MYO16: variants seen among roughly 807,000 people sequenced by gnomAD.
MYO16 encodes the protein myosin XVI.
MYO16 carries 94 observed loss-of-function variants against 205.3 expected under a neutral mutation model. The ratio of observed to expected loss-of-function variants is 0.46; its 90% CI spans 0.39 to 0.54. MYO16 has a LOEUF of 0.54. MYO16 is among the 20% of genes least tolerant of loss of function. The probability of loss-of-function intolerance (pLI) is 0.00; values close to 1 mark genes in which losing one functional copy is unlikely to be tolerated. For missense variants in MYO16, 2,315 were observed against 2,387.5 expected (o/e 0.97, Z 0.63); for synonymous variants, 988 against 954.0 (o/e 1.04, Z -0.66).
chr13:108,755,547 A>C (rs1024729446), intron 4 of MYO16, among the ~76,000 whole-genome samples: 33 of 131,214 alleles, frequency 2.5e-4, no homozygotes, highest in Non-Finnish European at 4.5e-4. Context: ...TTTTCTCTTC[A>C]AATTGCAAAA....
chr13:108,947,789 G>GT (rs1882994865), intron 16 of MYO16, among the ~76,000 whole-genome samples: 1 of 152,204 alleles, frequency 6.6e-6, no homozygotes, highest in African/African-American at 2.4e-5. Context: ...TTCACCAGAT[G>GT]TTTTGAAATA....
At chr13:109,175,783 CAGAT>C (rs766595718) in intron 33 of MYO16, among the ~76,000 whole-genome samples, 1 of 151,060 alleles carries the variant, frequency 6.6e-6, no homozygotes, top group Non-Finnish European at 1.5e-5. Flanking sequence ...AATGAAGGCA[CAGAT>C]AAAGAGCTCC....
At chr13:108,910,700 C>A (rs1417967387) in intron 16 of MYO16, among the ~76,000 whole-genome samples, 1 of 152,160 alleles carries the variant, frequency 6.6e-6, no homozygotes, top group Non-Finnish European at 1.5e-5. Flanking sequence ...TGCACTTCTG[C>A]TAACTGCCTG....
the MYO16 span, among the ~76,000 whole-genome samples, chr13:108,525,081 G>C: frequency 2.0e-5 from 3 of 152,050 alleles, no homozygotes; most frequent in African/African-American, 7.2e-5. Flanking sequence ...GTGAGGACTA[G>C]AGTCCACTCA....
chr13:108,579,587 C>G, the MYO16 span, among the ~76,000 whole-genome samples: 2 of 151,798 alleles, frequency 1.3e-5, no homozygotes, highest in African/African-American at 4.8e-5. Context: ...ATTACAGGCG[C>G]CCTCCATCAC....
intron 34 of MYO16, among the ~76,000 whole-genome samples, chr13:109,194,715 G>A (rs1880073086): frequency 6.6e-6 from 1 of 152,074 alleles, no homozygotes; most frequent in Non-Finnish European, 1.5e-5. Flanking sequence ...ATTCAGTGTG[G>A]CCAGAAAATA....
In MYO16 at chr13:108,629,709, G is replaced by A. The variant is rs976166232; in HGVS notation, c.-136G>A. 5.6e-6 allele frequency: 4 copies of A among 712,924 alleles called. No homozygotes were observed. In the Admixed American group the frequency reaches 9.5e-5, roughly 17 times the overall value. The allele number at this position is 712,924 out of a possible 1,614,324, so 44.2% of individuals were successfully genotyped here. On this transcript the variant is annotated 5_prime_UTR_variant, in exon 1 of 35. Coordinates refer to ENST00000457511, the MANE Select transcript of MYO16 (RefSeq NM_001198950.3). ...GCTTTTTGCAGGATCATGGAACAGA[G>A]CCTCCATGCAATAGTGCATCCTGAG...
chr13:108,796,790 A>G, intron 6 of MYO16, among the ~76,000 whole-genome samples: 1 of 121,148 alleles, frequency 8.3e-6, no homozygotes, highest in African/African-American at 3.0e-5. Context: ...GCGGGGAGGG[A>G]TAGCATTAGG....
rs942450739 is a variant in MYO16 at position 108,639,543 on chromosome 13, C to T, written c.28+9671C>T. ...TGAATCTATGCTCTTCCTTCCTAAA[C>T]CTGAATGTCTCAACCCTGAATGACA... On this transcript the variant is annotated intron_variant, in intron 1 of 34. Transcript: ENST00000457511. Among the ~76,000 whole-genome samples, 3 of 152,158 alleles carry T rather than the reference C, an allele frequency of 2.0e-5. No homozygotes were observed. The East Asian group carries it at 5.8e-4, about 29-fold the overall frequency.
At chr13:108,569,669 C>A in the MYO16 span, among the ~76,000 whole-genome samples, 2 of 152,200 alleles carry the variant, frequency 1.3e-5, no homozygotes, top group East Asian at 1.9e-4. Context: ...TGGCTGGAAA[C>A]GCCCTTCAAA....
intron 2 of MYO16, among the ~76,000 whole-genome samples, chr13:108,672,740 C>T (rs911107720): frequency 7.2e-5 from 11 of 151,950 alleles, no homozygotes; most frequent in African/African-American, 2.2e-4. Context: ...ATTTGAGTTA[C>T]GCCACATGAA....
chr13:108,892,769 A>G (rs998161932), intron 14 of MYO16, among the ~76,000 whole-genome samples: 1 of 152,242 alleles, frequency 6.6e-6, no homozygotes, highest in Non-Finnish European at 1.5e-5. Context: ...ACAATCATCT[A>G]TTAAAATGAT....
At chr13:108,954,777 G>A (rs753250817) in intron 16 of MYO16, among the ~76,000 whole-genome samples, 5 of 152,124 alleles carry the variant, frequency 3.3e-5, no homozygotes, top group Admixed American at 6.5e-5. Flanking sequence ...ATTGCTAAAG[G>A]TTTATAGATT....
chr13:108,861,651 C>T (rs1230120914), intron 11 of MYO16, among the ~76,000 whole-genome samples: 1 of 152,082 alleles, frequency 6.6e-6, no homozygotes, highest in African/African-American at 2.4e-5. Context: ...GCTATTCTGG[C>T]AGTTGTAGAG....
chr13:108,815,508 C>T (rs888012985), intron 7 of MYO16, among the ~76,000 whole-genome samples: 3 of 152,060 alleles, frequency 2.0e-5, no homozygotes, highest in African/African-American at 7.2e-5. Flanking sequence ...GGGGAGGGAC[C>T]ATTAACCAAG....
chr13:109,127,668 A>C lies in MYO16; in HGVS notation c.4051+118A>C. On this transcript the variant is annotated intron_variant, in intron 31 of 34. Coordinates refer to ENST00000457511, the MANE Select transcript of MYO16 (RefSeq NM_001198950.3). This position sits in a 1 kb window ranked among gnomAD's most constrained non-coding sequence, Gnocchi z 4.2. ...TGTATTCTTAATAGAAATAAATCCA[A>C]TTGTTGGCTTGCCAGCAGCTCTTAA... 9.7e-7 allele frequency: 1 copy of C among 1,029,470 alleles called. No individual in the cohort carries two copies. Among genetic ancestry groups the C allele is most frequent in the Non-Finnish European group, 1.4e-6 (1 of 725,790 alleles). 63.8% of individuals were successfully genotyped at this position (1,029,470 alleles called of 1,614,324 possible).
rs200124953 is a variant in MYO16 at position 109,153,531 on chromosome 13, G to A, written c.5165-11370G>A. Among the ~76,000 whole-genome samples the A allele has an allele frequency of 6.6e-5, 10 of 152,234 alleles. No homozygotes were observed. The East Asian group carries it at 1.5e-3, about 24-fold the overall frequency. On this transcript the variant is annotated intron_variant, in intron 32 of 34. Transcript: ENST00000457511. ...CTCAACACTTTGGGAAGCCAAGACC[G>A]TCCGATCACCTGAGGTCAGGAGTTT...
At chr13:108,583,882 C>T in the MYO16 span, among the ~76,000 whole-genome samples, 1 of 152,322 alleles carries the variant, frequency 6.6e-6, no homozygotes, top group Middle Eastern at 3.4e-3. Flanking sequence ...TTTGAAAAGA[C>T]ATTATCAAAA....
intron 14 of MYO16, among the ~76,000 whole-genome samples, chr13:108,888,837 C>T (rs1175671866): frequency 1.3e-5 from 2 of 151,956 alleles, no homozygotes; most frequent in African/African-American, 4.8e-5. Context: ...TGTGAATCAC[C>T]TGAGGTCAGG....
Sources: allele counts gnomAD v4.1 joint callset (sites outside exome capture counted in the v4.1 genomes callset), GRCh38; gene constraint gnomAD v4.1.1; non-coding constraint Gnocchi (gnomAD v3.1); transcripts MANE v1.5; gene names NCBI Gene and HGNC (gene_info 2026-07-23, HGNC 2026-07-21).